DENND1B: variants seen among roughly 807,000 people sequenced by gnomAD.
DENND1B encodes DENN domain containing 1B.
A neutral mutation model predicts 90.1 loss-of-function variants in DENND1B; 59 were observed. That is an observed-to-expected ratio of 0.65 (90% CI 0.53 to 0.81). DENND1B has a LOEUF of 0.81. DENND1B is among the 40% of genes least tolerant of loss of function. The probability of loss-of-function intolerance (pLI) is 0.00; values close to 1 mark genes in which losing one functional copy is unlikely to be tolerated. For synonymous variants in DENND1B, 337 were observed against 324.6 expected (o/e 1.04, Z -0.41); for missense variants, 862 against 912.6 (o/e 0.94, Z 0.71).
chr1:197,608,596 T>A (rs1676897437), intron 12 of DENND1B, among the ~76,000 whole-genome samples: 2 of 150,624 alleles, frequency 1.3e-5, no homozygotes, highest in Non-Finnish European at 3.0e-5. Context: ...ATAATTTTGA[T>A]TTTCATCTTC....
At chr1:197,721,311 C>T (rs1310619021) in intron 2 of DENND1B, among the ~76,000 whole-genome samples, 6 of 151,776 alleles carry the variant, frequency 4.0e-5, no homozygotes, top group South Asian at 4.2e-4. Flanking sequence ...CCTCGTGATC[C>T]GCCTGCCTCG....
At chr1:197,775,500 A>C (rs1657207624), upstream of DENND1B, 1 of 192,384 alleles carries the variant, frequency 5.2e-6, no homozygotes, top group Non-Finnish European at 1.1e-5. Flanking sequence ...AGTCGCCGGG[A>C]GGGGGAAGGG....
intron 7 of DENND1B, among the ~76,000 whole-genome samples, chr1:197,649,283 G>A (rs1382672537): frequency 6.6e-6 from 1 of 152,164 alleles, no homozygotes; most frequent in Non-Finnish European, 1.5e-5. Context: ...AAAATGGGGA[G>A]CTACGAAAGG....
intron 19 of DENND1B, among the ~76,000 whole-genome samples, 153 bp downstream of exon 19, chr1:197,540,806 T>C (rs1670278510): frequency 6.6e-6 from 1 of 152,194 alleles, no homozygotes; most frequent in Admixed American, 6.5e-5. Flanking sequence ...GAGCAGATAG[T>C]TGCCAGAGGG....
At chr1:197,689,393 T>A (rs940845612) in intron 3 of DENND1B, 1 of 152,050 alleles carries the variant, frequency 6.6e-6, no homozygotes, top group Non-Finnish European at 1.5e-5. Context: ...TCCCACAACA[T>A]GTGGGAATTA....
intron 3 of DENND1B, among the ~76,000 whole-genome samples, chr1:197,674,623 T>C (rs1308650337): frequency 6.6e-6 from 1 of 151,496 alleles, no homozygotes; most frequent in Non-Finnish European, 1.5e-5. Context: ...CAGAATGAAT[T>C]ACTGAGAGGT....
intron 3 of DENND1B, chr1:197,689,989 A>T (rs1657686031): frequency 6.5e-6 from 1 of 154,536 alleles, no homozygotes; most frequent in Admixed American, 6.6e-5. Flanking sequence ...TTCAGTTGAC[A>T]AGCTCTTGTG....
intron 13 of DENND1B, among the ~76,000 whole-genome samples, chr1:197,596,370 C>A (rs1675689954): frequency 6.6e-6 from 1 of 151,802 alleles, no homozygotes; most frequent in Non-Finnish European, 1.5e-5. Flanking sequence ...TCCTTTCACA[C>A]AAAATAGAAA....
In DENND1B at chr1:197,617,520, A is replaced by G. The variant is rs556342895; in HGVS notation, c.773+139T>C. Reference sequence around the variant, plus strand: ...ACAGAATTATTCTGTCCTTCATAAAAGCCATCTTTACTATTTATTAAAATG... The same window carrying G: ...ACAGAATTATTCTGTCCTTCATAAAGGCCATCTTTACTATTTATTAAAATG... On this transcript the variant is annotated intron_variant, in intron 11 of 22. Transcript: ENST00000620048. The G allele has an allele frequency of 2.6e-5, 16 of 617,372 alleles. No homozygotes were observed. In the African/African-American group the frequency reaches 3.0e-4, roughly 12 times the overall value. 38.2% of individuals were successfully genotyped at this position (617,372 alleles called of 1,614,324 possible).
Position 197,545,055 on chromosome 1 carries a change from A to AGAAGGAGAAGGAGAAGGAGAAGG in DENND1B, c.1350+866_1350+867insCCTTCTCCTTCTCCTTCTCCTTC, listed in dbSNP as rs1401718247. On this transcript the variant is annotated intron_variant, in intron 18 of 22. Transcript: ENST00000620048. ...GGAGAAGGAGAAGGAGAAGGAGAAG[A>AGAAGGAGAAGGAGAAGGAGAAGG]AGAAGAAGAAGAAGAATTCCAAGAA... 4.6e-3 allele frequency among the ~76,000 whole-genome samples: 59 copies of AGAAGGAGAAGGAGAAGGAGAAGG among 12,934 alleles called. 2 individuals are homozygous for AGAAGGAGAAGGAGAAGGAGAAGG. Among genetic ancestry groups the AGAAGGAGAAGGAGAAGGAGAAGG allele is most frequent in the African/African-American group, 6.9e-3 (56 of 8,068 alleles). 8.5% of individuals were successfully genotyped at this position (12,934 alleles called of 152,430 possible). A position where few individuals can be genotyped will look rare whatever the true frequency, so the allele number is the denominator to read the frequency against.
intron 15 of DENND1B, among the ~76,000 whole-genome samples, chr1:197,562,613 G>T (rs998636606): frequency 6.6e-6 from 1 of 151,782 alleles, no homozygotes; most frequent in Admixed American, 6.6e-5. Flanking sequence ...TGTCCTGACT[G>T]CTCCACTGAC....
intron 20 of DENND1B, among the ~76,000 whole-genome samples, chr1:197,523,982 T>G (rs1033128736): frequency 1.3e-5 from 2 of 151,672 alleles, no homozygotes; most frequent in Admixed American, 1.3e-4. Flanking sequence ...TAAAAAAAAC[T>G]CAAATGATGT....
intron 15 of DENND1B, among the ~76,000 whole-genome samples, chr1:197,574,256 A>C (rs1406111956): frequency 6.6e-6 from 1 of 152,196 alleles, no homozygotes; most frequent in Non-Finnish European, 1.5e-5. Flanking sequence ...CAGGATACAA[A>C]ATCAGTGTGC....
rs71131780 is a variant in DENND1B at position 197,564,395 on chromosome 1, C to CAAAAAAAAAA, written c.1150-11293_1150-11284dup. 1.6e-4 allele frequency among the ~76,000 whole-genome samples: 10 copies of CAAAAAAAAAA among 63,162 alleles called. 1 individual carries two copies. The highest frequency in any genetic ancestry group is 2.5e-4 in the Admixed American group (1 of 3,924). 41.4% of individuals were successfully genotyped at this position (63,162 alleles called of 152,430 possible). On this transcript the variant is annotated intron_variant, in intron 15 of 22. Transcript: ENST00000620048. Reference sequence around the variant, plus strand: ...ATACTGAGGCAAGAACCTCCACCAGCAAAAAAAAAAAAAAAAAAAAAAAAA... The same window carrying CAAAAAAAAAA: ...ATACTGAGGCAAGAACCTCCACCAGCAAAAAAAAAAAAAAAAAAAAAAAAAAAAAAAAAAA...
intron 13 of DENND1B, among the ~76,000 whole-genome samples, chr1:197,597,196 A>T (rs896571523): frequency 1.3e-5 from 2 of 151,822 alleles, no homozygotes; most frequent in East Asian, 3.9e-4. Flanking sequence ...CCACATATTC[A>T]AACAATAATA....
At chr1:197,572,630 T>A (rs1377409003) in intron 15 of DENND1B, among the ~76,000 whole-genome samples, 1 of 152,212 alleles carries the variant, frequency 6.6e-6, no homozygotes, top group East Asian at 1.9e-4. Flanking sequence ...CCTGACTCCC[T>A]GTAGCCTAAC....
intron 2 of DENND1B, chr1:197,735,765 G>C: frequency 6.2e-7 from 1 of 1,611,736 alleles, no homozygotes; most frequent in Non-Finnish European, 8.5e-7. Flanking sequence ...CTTTTCCAGG[G>C]GGAATCCTCG....
chr1:197,512,455 A>T (rs1668096263), intron 21 of DENND1B, among the ~76,000 whole-genome samples: 1 of 151,658 alleles, frequency 6.6e-6, no homozygotes, highest in African/African-American at 2.4e-5. Flanking sequence ...TTAATTTTTA[A>T]CACTTTTTAT....
chr1:197,675,408 A>T (rs1431596703), intron 3 of DENND1B, among the ~76,000 whole-genome samples: 1 of 152,168 alleles, frequency 6.6e-6, no homozygotes, highest in Non-Finnish European at 1.5e-5. Flanking sequence ...TCAGTGCCTT[A>T]ATGCACATAA....
Sources: allele counts gnomAD v4.1 joint callset (sites outside exome capture counted in the v4.1 genomes callset), GRCh38; gene constraint gnomAD v4.1.1; transcripts MANE v1.5; gene names NCBI Gene and HGNC (gene_info 2026-07-23, HGNC 2026-07-21).